The following SPG11 variants were observed in gnomAD, a reference collection of about 807,000 sequenced individuals.
The protein encoded by SPG11 is spatacsin.
A neutral mutation model predicts 274.0 loss-of-function variants in SPG11; 222 were observed. The observed-to-expected ratio is 0.81, with a 90% CI of 0.73 to 0.91. The LOEUF (loss-of-function observed/expected upper bound fraction) is 0.91, where lower values mean the gene tolerates loss of function less well. Among genes scored for constraint, SPG11 ranks in the 40% least tolerant of loss-of-function variants. The probability of loss-of-function intolerance (pLI) is 0.00; values close to 1 mark genes in which losing one functional copy is unlikely to be tolerated. For missense variants in SPG11, 3,114 were observed against 2,872.7 expected (o/e 1.08, Z -1.92); for synonymous variants, 1,144 against 1,039.7 (o/e 1.10, Z -1.93).
intron 1 of SPG11, among the ~76,000 whole-genome samples, chr15:44,661,888 T>C (rs1032137908): frequency 1.1e-4 from 16 of 152,222 alleles, no homozygotes; most frequent in African/African-American, 3.9e-4. Context: ...TTTTAACCTA[T>C]GAAGTATTTT....
intron 7 of SPG11, 106 bp downstream of exon 7, chr15:44,648,760 G>A: frequency 7.7e-7 from 1 of 1,301,978 alleles, no homozygotes; most frequent in Non-Finnish European, 1.1e-6. Flanking sequence ...AAAGGCTATA[G>A]TTCTTTTTGC....
At chr15:44,654,071 A>G (rs541655729) in intron 4 of SPG11, among the ~76,000 whole-genome samples, 1 of 152,312 alleles carries the variant, frequency 6.6e-6, no homozygotes, top group South Asian at 2.1e-4. Flanking sequence ...CTCCTGCCTC[A>G]GCCTCCGGAG....
chr15:44,636,197 GA>G (rs1314297072), intron 7 of SPG11, among the ~76,000 whole-genome samples: 1 of 151,798 alleles, frequency 6.6e-6, no homozygotes, highest in East Asian at 1.9e-4. Context: ...GTTGGAGGAA[GA>G]AAAAACAGGA....
chr15:44,564,593 G>A lies in SPG11; in HGVS notation c.7105C>T (p.Gln2369Ter), dbSNP rs1397432412. 3 of 1,613,834 alleles carry A rather than the reference G, an allele frequency of 1.9e-6. No homozygotes were observed. Among genetic ancestry groups the A allele is most frequent in the East Asian group, 4.5e-5 (2 of 44,860 alleles). ...GDFNYLEEFK[Q>*]QRLLKSSIFE... ...ATACTGGACTTTAATAACCTTTGCTGCTTAAATTCTTCCAAGTAATTAAAG... is the reference window on the plus strand; with the variant it reads ...ATACTGGACTTTAATAACCTTTGCTACTTAAATTCTTCCAAGTAATTAAAG... Residue 2369 changes from glutamine (Q) to a stop codon, truncating the protein, a stop_gained, in exon 39 of 40, where the codon CAG becomes TAG. Coordinates refer to ENST00000261866, the MANE Select transcript of SPG11 (RefSeq NM_025137.4). LOFTEE classifies it high-confidence loss of function.
At chr15:44,626,122 CT>C (rs1478580083) in intron 11 of SPG11, among the ~76,000 whole-genome samples, 2 of 152,114 alleles carry the variant, frequency 1.3e-5, no homozygotes, top group Non-Finnish European at 2.9e-5. Context: ...AAGCGATCTT[CT>C]TGCCTCAACC....
chr15:44,634,917 A>T (rs542850664), intron 7 of SPG11, among the ~76,000 whole-genome samples: 68 of 150,104 alleles, frequency 4.5e-4, no homozygotes, highest in African/African-American at 1.6e-3. Context: ...TAAAATAAAC[A>T]TTTTTTTTTT....
intron 28 of SPG11, among the ~76,000 whole-genome samples, chr15:44,588,980 G>C (rs1056553761): frequency 1.3e-5 from 2 of 152,184 alleles, no homozygotes; most frequent in Non-Finnish European, 2.9e-5. Flanking sequence ...CCCCACAACA[G>C]GGTAATGTAG....
At chr15:44,617,084 C>G (rs537846795) in intron 15 of SPG11, among the ~76,000 whole-genome samples, 1 of 152,282 alleles carries the variant, frequency 6.6e-6, no homozygotes, top group South Asian at 2.1e-4. Flanking sequence ...CTACGAGACC[C>G]CAGTGTCCTC....
chr15:44,570,650 G>C lies in SPG11; in HGVS notation c.6352C>G (p.Leu2118Val), dbSNP rs766851227. ...AAGCAATGATGGGCCAGGATCAGGA[G>C]CTCTGTGGCTGGGAGGGTGGGCACT... ...PHGELSCTTELLILAHHCFTL... is the reference protein window; with the variant it reads ...PHGELSCTTEVLILAHHCFTL... Residue 2118 changes from leucine (L) to valine (V), a missense_variant, in exon 34 of 40, where the codon CTC (leucine) becomes GTC (valine). Leu to Val is a conservative substitution (Grantham distance 32). Transcript: ENST00000261866. 4.3e-6 allele frequency: 7 copies of C among 1,614,032 alleles called. No individual in the cohort carries two copies. The highest frequency in any genetic ancestry group is 5.9e-6 in the Non-Finnish European group (7 of 1,179,998).
At chr15:44,585,938 T>A in intron 28 of SPG11, 88 bp from the exon 29 acceptor site, 3 of 1,064,756 alleles carry the variant, frequency 2.8e-6, no homozygotes, top group Non-Finnish European at 4.3e-6. Flanking sequence ...GGGGAAAATA[T>A]ACGTGTTTAA....
chr15:44,585,203 T>TA (rs553523542), intron 29 of SPG11, among the ~76,000 whole-genome samples: 42 of 146,666 alleles, frequency 2.9e-4, no homozygotes, highest in East Asian at 9.8e-4. Context: ...GTGTCAAAAG[T>TA]AAAAAAAAAA....
chr15:44,636,130 G>C (rs1007048692), intron 7 of SPG11, among the ~76,000 whole-genome samples: 7 of 152,028 alleles, frequency 4.6e-5, no homozygotes, highest in Non-Finnish European at 1.0e-4. Flanking sequence ...GAGCCAATGG[G>C]CCAAAGTTCT....
chr15:44,581,794 G>C (rs988641160), intron 30 of SPG11, among the ~76,000 whole-genome samples: 4 of 152,022 alleles, frequency 2.6e-5, no homozygotes, highest in African/African-American at 9.7e-5. Flanking sequence ...CTAAAATGGT[G>C]GTAAGATTCC....
In SPG11 at chr15:44,564,702, AAAAG is replaced by A. The variant is rs1460149812; in HGVS notation, c.7000-8_7000-5del. The A allele has an allele frequency of 3.1e-6, 5 of 1,614,154 alleles. No homozygotes were observed. In the South Asian group the frequency reaches 5.5e-5, roughly 18 times the overall value. ...AGGCCTCAGCCACAATAGAAGCCTTAAAAGGAGAGGTGAAGAAGGACACCATCAG... is the reference window on the plus strand; with the variant it reads ...AGGCCTCAGCCACAATAGAAGCCTTAGAGAGGTGAAGAAGGACACCATCAG... On this transcript the variant is annotated splice_region_variant and splice_polypyrimidine_tract_variant and intron_variant, in intron 38 of 39. Coordinates refer to ENST00000261866, the MANE Select transcript of SPG11 (RefSeq NM_025137.4).
chr15:44,573,268 A>G, intron 32 of SPG11: 1 of 587,018 alleles, frequency 1.7e-6, no homozygotes, highest in Non-Finnish European at 3.0e-6. Context: ...TACAGGCGTG[A>G]GCCACCGCGC....
chr15:44,588,035 C>T (rs1213090091), intron 28 of SPG11, among the ~76,000 whole-genome samples: 4 of 152,204 alleles, frequency 2.6e-5, no homozygotes, highest in Non-Finnish European at 5.9e-5. Flanking sequence ...ATCAGATCCA[C>T]AGCCTGCAAC....
In SPG11 at chr15:44,651,492, T is replaced by C. The variant is rs751741696; in HGVS notation, c.1455A>G (p.Thr485=). The change falls in exon 6 of 40, where the codon ACA becomes ACG. Residue 485 remains threonine (T), a splice_region_variant and synonymous_variant. Coordinates refer to ENST00000261866, the MANE Select transcript of SPG11 (RefSeq NM_025137.4). The part of the protein sequence containing the change: ...SGDQQLCFVL[T]ENGLSLILFG... ...CAATCTAATACAAGACAGTCTCACC[T>C]GTCAAAACAAAGCACAGCTGCTGGT... The C allele has an allele frequency of 6.2e-7, 1 of 1,613,580 alleles. No homozygotes were observed. The highest frequency in any genetic ancestry group is 8.5e-7 in the Non-Finnish European group (1 of 1,179,526).
intron 30 of SPG11, among the ~76,000 whole-genome samples, chr15:44,575,925 T>C (rs12912237): frequency 6.6e-6 from 1 of 150,794 alleles, no homozygotes; most frequent in African/African-American, 2.4e-5. Flanking sequence ...GGCGGATCAC[T>C]TGAGGTCAGG....
intron 30 of SPG11, among the ~76,000 whole-genome samples, chr15:44,580,292 A>C (rs116726090): frequency 0.011 from 1,629 of 152,292 alleles, 32 homozygotes; most frequent in African/African-American, 0.038. Flanking sequence ...GGTGTGTAGA[A>C]GTCTATACCA....
Sources: gnomAD v4.1 joint callset for allele counts (sites outside exome capture counted in the v4.1 genomes callset) on GRCh38, gnomAD v4.1.1 for gene constraint, MANE v1.5 for transcripts, NCBI Gene and HGNC (gene_info 2026-07-23, HGNC 2026-07-21) for gene names.